Variants in RYR3 observed in about 807,000 individuals in gnomAD.
The protein encoded by RYR3 is ryanodine receptor 3.
RYR3 carries 207 observed loss-of-function variants against 584.3 expected under a neutral mutation model. The ratio of observed to expected loss-of-function variants is 0.35; its 90% CI spans 0.32 to 0.40. The LOEUF (loss-of-function observed/expected upper bound fraction) is 0.40. RYR3 is among the 10% of genes least tolerant of loss of function. RYR3 has a pLI of 1.00. For missense variants in RYR3, 5,616 were observed against 6,089.2 expected (o/e 0.92, Z 2.59); for synonymous variants, 2,416 against 2,248.5 (o/e 1.07, Z -2.11).
At chr15:33,845,335 C>G (rs2078652614) in intron 93 of RYR3, among the ~76,000 whole-genome samples, 1 of 152,184 alleles carries the variant, frequency 6.6e-6, no homozygotes, top group South Asian at 2.1e-4. Flanking sequence ...TCACTGCAAC[C>G]TCCGCCTCCC....
intron 27 of RYR3, among the ~76,000 whole-genome samples, chr15:33,640,531 C>T (rs1286356794): frequency 3.3e-5 from 5 of 152,278 alleles, no homozygotes; most frequent in Admixed American, 2.0e-4. Flanking sequence ...TTATGTCTTC[C>T]TTTAGTTTAA....
chr15:33,374,671 T>C (rs939623071), intron 1 of RYR3, among the ~76,000 whole-genome samples: 3 of 152,186 alleles, frequency 2.0e-5, no homozygotes, highest in African/African-American at 7.2e-5. Context: ...TGACAACACA[T>C]TTGTGCTCTG....
intron 77 of RYR3, among the ~76,000 whole-genome samples, chr15:33,820,014 C>A (rs2077028322): frequency 6.6e-6 from 1 of 152,176 alleles, no homozygotes; most frequent in Non-Finnish European, 1.5e-5. Flanking sequence ...TTTGCAGAAA[C>A]AATGGGTGCT....
At chr15:33,487,024 C>G (rs1246001097) in intron 2 of RYR3, among the ~76,000 whole-genome samples, 1 of 152,006 alleles carries the variant, frequency 6.6e-6, no homozygotes, top group Non-Finnish European at 1.5e-5. Context: ...ATGGCAAAAA[C>G]CCATACCTAC....
intron 36 of RYR3, among the ~76,000 whole-genome samples, chr15:33,665,505 T>G (rs1235518121): frequency 6.6e-6 from 1 of 152,230 alleles, no homozygotes; most frequent in Non-Finnish European, 1.5e-5. Context: ...AGTTCACACA[T>G]GTTTTCTGGC....
intron 39 of RYR3, 40 bp from the exon 40 acceptor site, chr15:33,697,842 A>C (rs2065964946): frequency 7.9e-7 from 1 of 1,267,082 alleles, no homozygotes; most frequent in East Asian, 2.3e-5. Flanking sequence ...TAGCATATAA[A>C]TAAGCAGGTG....
At chr15:33,724,881 C>A (rs777445604) in intron 45 of RYR3, among the ~76,000 whole-genome samples, 2 of 152,000 alleles carry the variant, frequency 1.3e-5, no homozygotes, top group Non-Finnish European at 2.9e-5. Context: ...CCACTTAGGC[C>A]TGTTTTTCCA....
At chr15:33,607,938 A>G (rs1366212485) in intron 18 of RYR3, among the ~76,000 whole-genome samples, 1 of 152,182 alleles carries the variant, frequency 6.6e-6, no homozygotes, top group Non-Finnish European at 1.5e-5. Flanking sequence ...CCTGTTTGAC[A>G]GATTAGGTAA....
intron 1 of RYR3, among the ~76,000 whole-genome samples, chr15:33,375,936 C>T (rs927879031): frequency 2.4e-4 from 37 of 152,140 alleles, no homozygotes; most frequent in African/African-American, 8.7e-4. Flanking sequence ...TGGTGGCGGG[C>T]GCCTGTAGTT....
rs577820015 is a variant in RYR3, at chr15:33,664,575, A to ATGTGTGTGTG, written c.5619+844_5619+853dup. ...TTTATACACATATATATATAGATAT[A>ATGTGTGTGTG]TGTGTGTGTGTGTGTATATATATAT... is the stretch of plus-strand genomic sequence containing the variant. On this transcript the variant is annotated intron_variant, in intron 36 of 103. Coordinates refer to ENST00000634891, the MANE Select transcript of RYR3 (RefSeq NM_001036.6). Among the ~76,000 whole-genome samples the ATGTGTGTGTG allele has an allele frequency of 1.6e-4, 16 of 98,650 alleles. 2 individuals carry two copies. In the South Asian group the frequency reaches 5.5e-3, roughly 34 times the overall value. The allele number at this position is 98,650 out of a possible 152,430, so 64.7% of individuals were successfully genotyped here.
intron 11 of RYR3, among the ~76,000 whole-genome samples, chr15:33,563,465 C>T (rs148176977): frequency 3.9e-5 from 6 of 152,324 alleles, no homozygotes; most frequent in Non-Finnish European, 5.9e-5. Flanking sequence ...TGTGGAATGA[C>T]ACTGTATCCA....
intron 36 of RYR3, 28 bp downstream of exon 36, chr15:33,663,765 A>G (rs1412343435): frequency 1.1e-5 from 18 of 1,567,446 alleles, no homozygotes; most frequent in Non-Finnish European, 1.6e-5. Flanking sequence ...GCCTCTGTCC[A>G]GTTCCTATGG....
chr15:33,362,555 G>C (rs943496284), intron 1 of RYR3, among the ~76,000 whole-genome samples: 7 of 152,122 alleles, frequency 4.6e-5, no homozygotes, highest in Non-Finnish European at 7.3e-5. Flanking sequence ...TGCTTTTATT[G>C]GTTCCCAGTG....
chr15:33,696,613 A>G lies in RYR3; in HGVS notation c.6134+122A>G, dbSNP rs11857165. 2,992 of 1,042,128 alleles carry G rather than the reference A, an allele frequency of 2.9e-3. 75 individuals are homozygous for G. The African/African-American group carries it at 0.042, about 15-fold the overall frequency. The allele number at this position is 1,042,128 out of a possible 1,614,324, so 64.6% of individuals were successfully genotyped here. On this transcript the variant is annotated intron_variant, in intron 39 of 103. Transcript: ENST00000634891. Reference sequence around the variant, plus strand: ...TAAATCTTTGTGTGAACTGATTCCAATTTCACTCCTCATGGAGTCATATCC... The same window carrying G: ...TAAATCTTTGTGTGAACTGATTCCAGTTTCACTCCTCATGGAGTCATATCC...
intron 81 of RYR3, among the ~76,000 whole-genome samples, chr15:33,823,793 T>C (rs2077232580): frequency 1.3e-5 from 2 of 152,184 alleles, no homozygotes; most frequent in African/African-American, 4.8e-5. Context: ...TTCATATGTA[T>C]TTGGATAGTC....
intron 86 of RYR3, 148 bp from the exon 87 acceptor site, chr15:33,834,820 A>G (rs192552797): frequency 6.3e-5 from 36 of 567,474 alleles, no homozygotes; most frequent in Non-Finnish European, 4.1e-5. Context: ...GAAAAAAGTA[A>G]TAATCCTGGG....
intron 1 of RYR3, among the ~76,000 whole-genome samples, chr15:33,447,968 A>G (rs2046813244): frequency 6.6e-6 from 1 of 152,256 alleles, no homozygotes; most frequent in South Asian, 2.1e-4. Flanking sequence ...AGTAGCAGAG[A>G]CAGGATAATA....
At chr15:33,360,512 G>GT (rs1250855598) in intron 1 of RYR3, among the ~76,000 whole-genome samples, 2 of 152,202 alleles carry the variant, frequency 1.3e-5, no homozygotes, top group African/African-American at 2.4e-5. Flanking sequence ...CAGTTTACCA[G>GT]TTCACCTGCT....
intron 11 of RYR3, among the ~76,000 whole-genome samples, chr15:33,565,395 T>G (rs976724325): frequency 6.6e-6 from 1 of 152,184 alleles, no homozygotes; most frequent in Admixed American, 6.5e-5. Flanking sequence ...ATGCTTACAC[T>G]GCAGTATATA....
Sources: allele counts gnomAD v4.1 joint callset (sites outside exome capture counted in the v4.1 genomes callset), GRCh38; gene constraint gnomAD v4.1.1; transcripts MANE v1.5; gene names NCBI Gene and HGNC (gene_info 2026-07-23, HGNC 2026-07-21).